Variants in PCDHGA1 observed in about 807,000 individuals in gnomAD.
The protein encoded by PCDHGA1 is protocadherin gamma-A1.
Under a neutral mutation model 58.0 loss-of-function variants are expected in PCDHGA1, and 32 were observed. That is an observed-to-expected ratio of 0.55 (90% CI 0.42 to 0.74). The LOEUF is 0.74. Among genes scored for constraint, PCDHGA1 ranks in the 30% least tolerant of loss-of-function variants. The pLI is 0.00. For synonymous variants in PCDHGA1, 498 were observed against 501.1 expected, an observed-to-expected ratio of 0.99 and a Z score of 0.08; for missense variants, 1,205 against 1,182.3, an observed-to-expected ratio of 1.02 and a Z score of -0.28.
At chr5:141,339,363 C>G in intron 1 of PCDHGA1, 1 of 1,614,214 alleles carries the variant, frequency 6.2e-7, no homozygotes, top group Non-Finnish European at 8.5e-7. Flanking sequence ...GATAATGCCC[C>G]TCGCTTTGGA....
chr5:141,341,372 G>A (rs769174770), intron 1 of PCDHGA1: 3 of 1,614,252 alleles, frequency 1.9e-6, no homozygotes, highest in Non-Finnish European at 2.5e-6. Context: ...ACTCGAAGAA[G>A]AAAGAGAAGA....
In PCDHGA1 at chr5:141,403,896, A is replaced by T. The variant is rs2094466164; in HGVS notation, c.2421+70791A>T. 6.2e-7 allele frequency: 1 copy of T among 1,613,866 alleles called. No individual in the cohort carries two copies. On this transcript the variant is annotated intron_variant, in intron 1 of 3. Transcript: ENST00000517417. The stretch of plus-strand genomic sequence containing the variant: ...CTAGATTATGAAGAATGTTCATTTT[A>T]TGAAATGGAAATACAAGCTGAAGAT...
At chr5:141,419,521 C>A (rs1418329404) in intron 1 of PCDHGA1, 1 of 1,612,240 alleles carries the variant, frequency 6.2e-7, no homozygotes, top group Non-Finnish European at 8.5e-7. Context: ...TGGTGGGCGA[C>A]CGTAACGACA....
At chr5:141,351,170 G>T (rs369227522) in intron 1 of PCDHGA1, 11 of 1,614,038 alleles carry the variant, frequency 6.8e-6, no homozygotes, top group Non-Finnish European at 9.3e-6. Flanking sequence ...TGGCACATTG[G>T]ATTTTGAAGA....
intron 2 of PCDHGA1, among the ~76,000 whole-genome samples, chr5:141,500,020 T>A (rs905529317): frequency 6.6e-6 from 1 of 151,918 alleles, no homozygotes; most frequent in Non-Finnish European, 1.5e-5. Flanking sequence ...ACATTTTATA[T>A]TTGAGTGAGT....
At chr5:141,420,883 C>A (rs992351503) in intron 1 of PCDHGA1, among the ~76,000 whole-genome samples, 1 of 152,216 alleles carries the variant, frequency 6.6e-6, no homozygotes, top group Non-Finnish European at 1.5e-5. Context: ...TATTGTGTAT[C>A]ATCGTTTTTA....
In PCDHGA1 at chr5:141,490,455, G is replaced by A. The variant is rs746957706; in HGVS notation, c.2422-4352G>A. The A allele has an allele frequency of 9.3e-6, 15 of 1,614,010 alleles. No individual in the cohort carries two copies. The highest frequency in any genetic ancestry group is 2.2e-5 in the South Asian group (2 of 91,084). ...TTAAGCCTTCTGAGAACCACTACTC[G>A]CTGCTAACCAGCCAGCCTTTGGACC... On this transcript the variant is annotated intron_variant, in intron 1 of 3. Coordinates refer to ENST00000517417, the MANE Select transcript of PCDHGA1 (RefSeq NM_018912.3). The surrounding 1 kb of genome is among the most constrained non-coding windows in gnomAD (Gnocchi z 5.4).
chr5:141,505,371 C>T (rs2099845827), intron 2 of PCDHGA1, 22 bp from the exon 3 acceptor site: 4 of 1,613,980 alleles, frequency 2.5e-6, no homozygotes, highest in Non-Finnish European at 3.4e-6. Context: ...AGTCTGTGCT[C>T]ACCATCCTAC....
intron 1 of PCDHGA1, chr5:141,343,976 G>T: frequency 7.2e-7 from 1 of 1,391,600 alleles, no homozygotes; most frequent in Non-Finnish European, 9.7e-7. Context: ...AAATAAGATT[G>T]GAGTCCGTCG....
intron 1 of PCDHGA1, chr5:141,357,294 C>A: frequency 1.2e-6 from 2 of 1,613,992 alleles, no homozygotes; most frequent in Non-Finnish European, 1.7e-6. Flanking sequence ...TGGCAGTGGC[C>A]GCTGTCTCCT....
chr5:141,414,404 T>A, intron 1 of PCDHGA1: 1 of 1,613,886 alleles, frequency 6.2e-7, no homozygotes, highest in Non-Finnish European at 8.5e-7. Context: ...AGATTGGTGA[T>A]ACACAGAGCC....
At chr5:141,365,002 C>G (rs779500238) in intron 1 of PCDHGA1, 2 of 1,613,800 alleles carry the variant, frequency 1.2e-6, no homozygotes, top group African/African-American at 2.7e-5. Flanking sequence ...TACTCTCCGG[C>G]ACCACGCACA....
chr5:141,418,505 G>A, intron 1 of PCDHGA1: 1 of 1,614,006 alleles, frequency 6.2e-7, no homozygotes, highest in Non-Finnish European at 8.5e-7. Flanking sequence ...GACCGCCTTA[G>A]ATGGTGGGGA....
chr5:141,361,814 C>T, intron 1 of PCDHGA1: 1 of 1,613,112 alleles, frequency 6.2e-7, no homozygotes, highest in Non-Finnish European at 8.5e-7. Flanking sequence ...GACAATGCGC[C>T]ACGGGTGCTG....
At chr5:141,415,252 C>T (rs895920596) in intron 1 of PCDHGA1, 5 of 1,614,098 alleles carry the variant, frequency 3.1e-6, no homozygotes, top group Non-Finnish European at 4.2e-6. Context: ...AACCTCAGAC[C>T]TCACTCTGTA....
intron 1 of PCDHGA1, chr5:141,344,127 C>G (rs780910092): frequency 1.2e-6 from 2 of 1,613,904 alleles, no homozygotes; most frequent in Non-Finnish European, 8.5e-7. Flanking sequence ...CGGTCAGATC[C>G]GCTACTCGGT....
chr5:141,351,733 C>A, intron 1 of PCDHGA1: 3 of 1,613,758 alleles, frequency 1.9e-6, no homozygotes, highest in Non-Finnish European at 2.5e-6. Context: ...TGGCCAGTGA[C>A]CTGGAGCCGC....
chr5:141,348,803 C>G (rs1358376859), intron 1 of PCDHGA1, among the ~76,000 whole-genome samples: 1 of 152,142 alleles, frequency 6.6e-6, no homozygotes, highest in African/African-American at 2.4e-5. Context: ...CTTAAGAAAA[C>G]AGATAATAGG....
intron 1 of PCDHGA1, chr5:141,400,510 T>C: frequency 6.2e-7 from 1 of 1,613,972 alleles, no homozygotes; most frequent in Non-Finnish European, 8.5e-7. Context: ...CGAGTCGACT[T>C]CCCATCCTGA....
Sources: gnomAD v4.1 joint callset for allele counts (sites outside exome capture counted in the v4.1 genomes callset) on GRCh38, gnomAD v4.1.1 for gene constraint, Gnocchi (gnomAD v3.1) non-coding constraint, MANE v1.5 for transcripts, NCBI Gene and HGNC (gene_info 2026-07-23, HGNC 2026-07-21) for gene names.